DYNC2H1: variants seen among roughly 807,000 people sequenced by gnomAD.
DYNC2H1 encodes cytoplasmic dynein 2 heavy chain 1.
DYNC2H1 carries 410 observed loss-of-function variants against 570.0 expected under a neutral mutation model. The observed-to-expected ratio is 0.72, with a 90% CI of 0.66 to 0.78. DYNC2H1 has a LOEUF of 0.78. Among genes scored for constraint, DYNC2H1 ranks in the 30% least tolerant of loss-of-function variants. The probability of loss-of-function intolerance (pLI) is 0.00; values close to 1 mark genes in which losing one functional copy is unlikely to be tolerated. For synonymous variants in DYNC2H1, 1,688 were observed against 1,677.6 expected, an observed-to-expected ratio of 1.01 and a Z score of -0.15; for missense variants, 4,865 against 5,046.4, an observed-to-expected ratio of 0.96 and a Z score of 1.09.
intron 83 of DYNC2H1, among the ~76,000 whole-genome samples, chr11:103,366,380 GATA>G (rs1940909011): frequency 6.6e-6 from 1 of 152,054 alleles, no homozygotes; most frequent in South Asian, 2.1e-4. Flanking sequence ...TAAAACACTA[GATA>G]ATAAAGCAAA....
intron 83 of DYNC2H1, among the ~76,000 whole-genome samples, chr11:103,375,798 C>T (rs1488957579): frequency 2.6e-5 from 4 of 152,102 alleles, no homozygotes; most frequent in Non-Finnish European, 5.9e-5. Flanking sequence ...AAGGGACTTG[C>T]CTTGTCTCAC....
intron 88 of DYNC2H1, among the ~76,000 whole-genome samples, chr11:103,469,458 A>ATAT (rs1366508849): frequency 6.6e-6 from 1 of 152,236 alleles, no homozygotes; most frequent in East Asian, 1.9e-4. Context: ...ACTATTTCAT[A>ATAT]TATTGCTCAC....
rs1334003402 is a variant in DYNC2H1, at chr11:103,163,220, C to G, written c.4611+73C>G. 6.7e-7 allele frequency: 1 copy of G among 1,498,510 alleles called. No individual in the cohort carries two copies. The highest frequency in any genetic ancestry group is 1.4e-5 in the African/African-American group (1 of 71,168). 92.8% of individuals were successfully genotyped at this position (1,498,510 alleles called of 1,614,324 possible). A position where few individuals can be genotyped will look rare whatever the true frequency, so the allele number is the denominator to read the frequency against. On this transcript the variant is annotated intron_variant, in intron 30 of 88. Coordinates refer to ENST00000375735, the MANE Select transcript of DYNC2H1 (RefSeq NM_001377.3). This position sits in a 1 kb window ranked among gnomAD's most constrained non-coding sequence, Gnocchi z 4.6. ...GATCCCTGACCTAGAAGCCAGGAGG[C>G]TCAGATAAATCGCATCTGTTTTCTC...
intron 77 of DYNC2H1, among the ~76,000 whole-genome samples, chr11:103,307,043 A>G (rs1455046128): frequency 6.6e-6 from 1 of 152,192 alleles, no homozygotes; most frequent in Non-Finnish European, 1.5e-5. Context: ...AAGACATAAT[A>G]TTTAAATTGT....
chr11:103,184,838 A>T, intron 40 of DYNC2H1, 58 bp from the exon 41 acceptor site: 1 of 1,589,040 alleles, frequency 6.3e-7, no homozygotes, highest in Non-Finnish European at 8.6e-7. Context: ...GTATGGTTCT[A>T]TGTTTACTGG....
At chr11:103,389,880 G>C (rs1434184976) in intron 83 of DYNC2H1, among the ~76,000 whole-genome samples, 2 of 152,072 alleles carry the variant, frequency 1.3e-5, no homozygotes, top group African/African-American at 4.8e-5. Flanking sequence ...TATAATTTCT[G>C]TTCTTTTATA....
At chr11:103,392,474 C>T (rs1222677798) in intron 83 of DYNC2H1, among the ~76,000 whole-genome samples, 1 of 152,234 alleles carries the variant, frequency 6.6e-6, no homozygotes, top group Non-Finnish European at 1.5e-5. Flanking sequence ...CGCCCTGCTT[C>T]GGCTCACACT....
intron 54 of DYNC2H1, among the ~76,000 whole-genome samples, chr11:103,214,085 G>T (rs1168990140): frequency 1.3e-5 from 2 of 152,012 alleles, no homozygotes; most frequent in Non-Finnish European, 2.9e-5. Context: ...AATGAAGAGG[G>T]TGTCCTTTTC....
rs1450494407 is a variant in DYNC2H1, at chr11:103,157,934, C to T, written c.4128-743C>T. On this transcript the variant is annotated intron_variant, in intron 26 of 88. Transcript: ENST00000375735. This position sits in a 1 kb window ranked among gnomAD's most constrained non-coding sequence, Gnocchi z 4.2. ...TTCCCAGAATCTTTGCCAGAAACGT[C>T]TTCTACTCACTCACTTTTTCATTTT... is the stretch of plus-strand genomic sequence containing the variant. 6.6e-6 allele frequency among the ~76,000 whole-genome samples: 1 copy of T among 152,128 alleles called. No individual in the cohort carries two copies. Among genetic ancestry groups the T allele is most frequent in the African/African-American group, 2.4e-5 (1 of 41,440 alleles).
intron 85 of DYNC2H1, among the ~76,000 whole-genome samples, chr11:103,453,610 T>G (rs1280745417): frequency 1.1e-5 from 1 of 91,530 alleles, no homozygotes; most frequent in Non-Finnish European, 2.0e-5. Context: ...CCATGTTAGT[T>G]TAGACATATA....
intron 84 of DYNC2H1, among the ~76,000 whole-genome samples, chr11:103,423,330 T>A (rs1943553176): frequency 6.7e-6 from 1 of 148,316 alleles, no homozygotes; most frequent in Non-Finnish European, 1.5e-5. Context: ...ACCAATAGGC[T>A]AAGGTAATTA....
At position 103,181,246 on chromosome 11, in the gene DYNC2H1, G is replaced by A. The variant is rs1397744076; in HGVS notation, c.6348-511G>A. On this transcript the variant is annotated intron_variant, in intron 39 of 88. Coordinates refer to ENST00000375735, the MANE Select transcript of DYNC2H1 (RefSeq NM_001377.3). This position sits in a 1 kb window ranked among gnomAD's most constrained non-coding sequence, Gnocchi z 5.0. ...AGGATAGAGAAAAAGTGTTTCTAAA[G>A]ATCTGTATTACAGTTTAGATCAGTG... Among the ~76,000 whole-genome samples the A allele has an allele frequency of 6.6e-6, 1 of 151,536 alleles. No individual in the cohort carries two copies. Among genetic ancestry groups the A allele is most frequent in the Non-Finnish European group, 1.5e-5 (1 of 67,648 alleles).
chr11:103,306,258 T>C (rs1867279793), intron 77 of DYNC2H1, among the ~76,000 whole-genome samples: 1 of 152,210 alleles, frequency 6.6e-6, no homozygotes, highest in Non-Finnish European at 1.5e-5. Flanking sequence ...GACTGGCAAA[T>C]ACTTGTACTG....
At chr11:103,272,445 G>A (rs560307394) in intron 70 of DYNC2H1, among the ~76,000 whole-genome samples, 1 of 152,080 alleles carries the variant, frequency 6.6e-6, no homozygotes, top group African/African-American at 2.4e-5. Flanking sequence ...ATGGGGGAGG[G>A]ATAGCATCAG....
chr11:103,345,436 G>A lies in DYNC2H1; in HGVS notation c.12040-12807G>A, dbSNP rs531882007. Among the ~76,000 whole-genome samples the A allele has an allele frequency of 2.4e-3, 367 of 152,274 alleles. 2 individuals carry two copies. Among genetic ancestry groups the A allele is most frequent in the African/African-American group, 8.3e-3 (345 of 41,558 alleles). ...TGGTTGTACTAATTCACTATTGTGCGAACAGTATGTAATATCTGCATCCTT... is the reference window on the plus strand; with the variant it reads ...TGGTTGTACTAATTCACTATTGTGCAAACAGTATGTAATATCTGCATCCTT... On this transcript the variant is annotated intron_variant, in intron 82 of 88. Coordinates refer to ENST00000375735, the MANE Select transcript of DYNC2H1 (RefSeq NM_001377.3).
At chr11:103,134,998 A>T (rs915095056) in intron 15 of DYNC2H1, among the ~76,000 whole-genome samples, 2 of 152,138 alleles carry the variant, frequency 1.3e-5, no homozygotes, top group Admixed American at 6.5e-5. Context: ...CAAAAGTACT[A>T]CTAGAATGGA....
intron 81 of DYNC2H1, among the ~76,000 whole-genome samples, chr11:103,321,709 A>AT (rs978140560): frequency 2.0e-5 from 3 of 152,036 alleles, no homozygotes; most frequent in Non-Finnish European, 2.9e-5. Context: ...CATTTTGTGT[A>AT]TTTTTTTCAG....
At chr11:103,258,038 A>G (rs372856245) in intron 69 of DYNC2H1, among the ~76,000 whole-genome samples, 1 of 152,204 alleles carries the variant, frequency 6.6e-6, no homozygotes, top group Non-Finnish European at 1.5e-5. Context: ...TCTGAAAGGT[A>G]TAAAAATAAG....
chr11:103,276,522 C>T (rs11225646), intron 70 of DYNC2H1, among the ~76,000 whole-genome samples: 16,382 of 151,564 alleles, frequency 0.11, 1,032 homozygotes, highest in East Asian at 0.21. Context: ...TTTTAAAAAA[C>T]GCAAATGATA....
Sources: allele counts gnomAD v4.1 joint callset (sites outside exome capture counted in the v4.1 genomes callset), GRCh38; gene constraint gnomAD v4.1.1; non-coding constraint Gnocchi (gnomAD v3.1); transcripts MANE v1.5; gene names NCBI Gene and HGNC (gene_info 2026-07-23, HGNC 2026-07-21).